RAP1A: variants seen among roughly 807,000 people sequenced by gnomAD.
The protein encoded by RAP1A is ras-related protein Rap-1A.
In RAP1A, 6 loss-of-function variants were observed where a neutral mutation model predicts 26.4. That is an observed-to-expected ratio of 0.23 (90% CI 0.12 to 0.45). RAP1A has a LOEUF of 0.45. Ranked by LOEUF, RAP1A falls within the 20% of genes least tolerant of loss-of-function variation. The pLI is 0.99. For missense variants in RAP1A, 121 were observed against 217.2 expected (o/e 0.56, Z 2.78); for synonymous variants, 73 against 79.4 (o/e 0.92, Z 0.43).
rs138829861 is a variant in RAP1A, at chr1:111,583,825, A to T, written c.-28+41316A>T. Among the ~76,000 whole-genome samples, 64 of 152,014 alleles carry T rather than the reference A, an allele frequency of 4.2e-4. 1 individual carries two copies. The East Asian group carries it at 0.012, about 29-fold the overall frequency. On this transcript the variant is annotated intron_variant, in intron 1 of 7. Transcript: ENST00000356415. ...GTAACACTAGGAACGATTATATAAT[A>T]ATGTTGAATAAGCAAAACAAGATAC...
At position 111,686,202 on chromosome 1, in the gene RAP1A, A is replaced by C. The variant is rs143518291; in HGVS notation, c.-27-5132A>C. On this transcript the variant is annotated intron_variant, in intron 1 of 7. Coordinates refer to ENST00000369709, the MANE Select transcript of RAP1A (RefSeq NM_002884.4). ...GACAGGTTGATGGGTGCAGCAAACC[A>C]CCATGGCACATGTATACCAATGTAA... is the stretch of plus-strand genomic sequence containing the variant. Among the ~76,000 whole-genome samples, 127 of 152,280 alleles carry C rather than the reference A, an allele frequency of 8.3e-4. 3 individuals are homozygous for C. In the East Asian group the frequency reaches 0.023, roughly 28 times the overall value.
intron 1 of RAP1A, among the ~76,000 whole-genome samples, chr1:111,605,643 G>A (rs1326488073): frequency 6.6e-6 from 1 of 152,188 alleles, no homozygotes; most frequent in Non-Finnish European, 1.5e-5. Context: ...AGGAACTAAA[G>A]TGGTCACCCA....
At chr1:111,632,865 G>A (rs1659611927) in intron 1 of RAP1A, among the ~76,000 whole-genome samples, 1 of 146,718 alleles carries the variant, frequency 6.8e-6, no homozygotes, top group Non-Finnish European at 1.5e-5. Context: ...AGGTTGTGGT[G>A]AGCCAGGATG....
At position 111,643,269 on chromosome 1, in the gene RAP1A, G is replaced by A. The variant is rs148832358; in HGVS notation, c.-28+23335G>A. On this transcript the variant is annotated intron_variant, in intron 1 of 7. Transcript: ENST00000369709. The stretch of plus-strand genomic sequence containing the variant: ...AAACAGTCCTTAGTTCACAAGCCAC[G>A]CAAAAACAGACAGTGGCCCAGATTT... Among the ~76,000 whole-genome samples the A allele has an allele frequency of 5.7e-3, 866 of 152,270 alleles. 8 individuals carry two copies. The highest frequency in any genetic ancestry group is 0.014 in the Middle Eastern group (4 of 294).
intron 1 of RAP1A, among the ~76,000 whole-genome samples, chr1:111,631,432 A>G (rs1384176102): frequency 6.6e-6 from 1 of 152,096 alleles, no homozygotes; most frequent in Non-Finnish European, 1.5e-5. Flanking sequence ...TTGAGTGTAG[A>G]CCCCTTACAT....
rs186090324 is a variant in RAP1A, at chr1:111,596,163, C to T, written c.-28+53654C>T. Among the ~76,000 whole-genome samples the T allele has an allele frequency of 1.9e-3, 294 of 152,262 alleles. 2 individuals are homozygous for T. The Middle Eastern group carries it at 0.02, about 11-fold the overall frequency. On this transcript the variant is annotated intron_variant, in intron 1 of 7. Coordinates refer to the RAP1A transcript ENST00000356415. ...GCTTATTGATTAAAGGCAGGGCTTT[C>T]TCTGGGATCCAGGAGTCACCATTAT...
chr1:111,578,222 G>T (rs972095472), intron 1 of RAP1A, among the ~76,000 whole-genome samples: 8 of 152,034 alleles, frequency 5.3e-5, no homozygotes, highest in Non-Finnish European at 1.0e-4. Flanking sequence ...GGATTGGTGG[G>T]CATGGGTCAC....
At chr1:111,590,613 T>TG (rs1318466441) in intron 1 of RAP1A, among the ~76,000 whole-genome samples, 2 of 151,802 alleles carry the variant, frequency 1.3e-5, no homozygotes, top group African/African-American at 2.4e-5. Flanking sequence ...TTTTAAGAGA[T>TG]GGGGTCTCAT....
intron 1 of RAP1A, among the ~76,000 whole-genome samples, chr1:111,587,237 T>C (rs1658386330): frequency 6.6e-6 from 1 of 152,146 alleles, no homozygotes; most frequent in South Asian, 2.1e-4. Context: ...ACCTGTTCCT[T>C]CTGTCATTCT....
intron 1 of RAP1A, among the ~76,000 whole-genome samples, chr1:111,613,083 T>G (rs1365676529): frequency 2.0e-5 from 3 of 152,096 alleles, no homozygotes; most frequent in African/African-American, 4.8e-5. Flanking sequence ...ATATACTTAA[T>G]TACTGCATAA....
chr1:111,673,566 T>C (rs567774143), intron 1 of RAP1A, among the ~76,000 whole-genome samples: 4 of 152,318 alleles, frequency 2.6e-5, no homozygotes, highest in African/African-American at 7.2e-5. Flanking sequence ...TGGACCATAA[T>C]GTTAGGGACT....
intron 6 of RAP1A, among the ~76,000 whole-genome samples, chr1:111,705,266 C>G (rs772059148): frequency 6.6e-6 from 1 of 152,156 alleles, no homozygotes; most frequent in Admixed American, 6.5e-5. Context: ...TCTTTCCTGC[C>G]GTTGCTTTTG....
At chr1:111,646,191 T>G (rs1196679325) in intron 1 of RAP1A, among the ~76,000 whole-genome samples, 1 of 152,208 alleles carries the variant, frequency 6.6e-6, no homozygotes, top group Non-Finnish European at 1.5e-5. Context: ...ACTGCGAATT[T>G]GATAGAACCC....
rs557405934 is a variant in RAP1A, at chr1:111,703,496, G to C, written c.324+20G>C. 55 of 1,552,408 alleles carry C rather than the reference G, an allele frequency of 3.5e-5. No individual in the cohort carries two copies. The South Asian group carries it at 6.1e-4, about 17-fold the overall frequency. On this transcript the variant is annotated intron_variant, in intron 5 of 7. Coordinates refer to ENST00000369709, the MANE Select transcript of RAP1A (RefSeq NM_002884.4). ...GAAGATGTAAGTATTTTTTCTCTCT[G>C]TAAGATGTTATGCCATCTCTCTGTG...
chr1:111,687,089 A>G (rs1016736629), intron 1 of RAP1A, among the ~76,000 whole-genome samples: 1 of 151,898 alleles, frequency 6.6e-6, no homozygotes, highest in Admixed American at 6.6e-5. Context: ...TAAGGTAATG[A>G]TGTGATTTCC....
chr1:111,562,630 A>G (rs1657785696), intron 1 of RAP1A, among the ~76,000 whole-genome samples: 1 of 152,224 alleles, frequency 6.6e-6, no homozygotes, highest in Non-Finnish European at 1.5e-5. Context: ...AAAATTGCCA[A>G]TATTCCCTCC....
At chr1:111,635,644 C>A (rs1352620131) in intron 1 of RAP1A, among the ~76,000 whole-genome samples, 2 of 152,172 alleles carry the variant, frequency 1.3e-5, no homozygotes, top group Non-Finnish European at 2.9e-5. Flanking sequence ...CTGCTCACTG[C>A]AACCTCTGCC....
chr1:111,689,127 C>T (rs1267538237), intron 1 of RAP1A, among the ~76,000 whole-genome samples: 1 of 152,140 alleles, frequency 6.6e-6, no homozygotes, highest in African/African-American at 2.4e-5. Flanking sequence ...TAAGCTACTG[C>T]ACCTGGCCAG....
chr1:111,698,942 C>CT (rs11454898), intron 4 of RAP1A, among the ~76,000 whole-genome samples: 54,559 of 146,878 alleles, frequency 0.37, 10,255 homozygotes, highest in East Asian at 0.53. Context: ...ATACTTTCTG[C>CT]TTTTTTTTTT....
Sources: allele counts gnomAD v4.1 joint callset (sites outside exome capture counted in the v4.1 genomes callset), GRCh38; gene constraint gnomAD v4.1.1; transcripts MANE v1.5; gene names NCBI Gene and HGNC (gene_info 2026-07-23, HGNC 2026-07-21).